APBB2: variants seen among roughly 807,000 people sequenced by gnomAD.
APBB2 encodes amyloid beta precursor protein binding family B member 2.
In APBB2, 38 loss-of-function variants were observed where a neutral mutation model predicts 82.5. That is an observed-to-expected ratio of 0.46 (90% CI 0.36 to 0.60). The LOEUF is 0.60. APBB2 is among the 20% of genes least tolerant of loss of function. The pLI, the probability that APBB2 is intolerant of heterozygous loss-of-function variation, is 0.00. For synonymous variants in APBB2, 341 were observed against 368.2 expected (o/e 0.93, Z 0.85); for missense variants, 772 against 972.3 (o/e 0.79, Z 2.74).
intron 1 of APBB2, among the ~76,000 whole-genome samples, chr4:41,207,516 C>G (rs1448998592): frequency 6.6e-6 from 1 of 152,194 alleles, no homozygotes; most frequent in Non-Finnish European, 1.5e-5. Flanking sequence ...AATCAAATGT[C>G]AAGATACATC....
chr4:40,865,960 C>G (rs937503314), intron 12 of APBB2, among the ~76,000 whole-genome samples: 1 of 152,252 alleles, frequency 6.6e-6, no homozygotes, highest in African/African-American at 2.4e-5. Context: ...GCAATGCCAA[C>G]TGCTGGTGAG....
At chr4:40,943,063 A>T (rs1471139764) in intron 7 of APBB2, among the ~76,000 whole-genome samples, 1 of 152,214 alleles carries the variant, frequency 6.6e-6, no homozygotes, top group Non-Finnish European at 1.5e-5. Flanking sequence ...TCTCAAAGTC[A>T]GTCCAATCTC....
At chr4:41,213,802 G>A (rs984973517) in intron 1 of APBB2, among the ~76,000 whole-genome samples, 2 of 152,200 alleles carry the variant, frequency 1.3e-5, no homozygotes, top group South Asian at 2.1e-4. Flanking sequence ...CACCGAGGGG[G>A]AAAAGGAACT....
At chr4:41,101,587 A>G (rs1360428695) in intron 2 of APBB2, among the ~76,000 whole-genome samples, 2 of 152,034 alleles carry the variant, frequency 1.3e-5, no homozygotes, top group African/African-American at 4.8e-5. Context: ...ATTTCTGCAG[A>G]TAAGAATGGG....
At position 41,064,984 on chromosome 4, in the gene APBB2, G is replaced by A. The variant is rs541327522; in HGVS notation, c.-51+592C>T. Reference sequence around the variant, plus strand: ...GGAAAGCTTAAAAAAATAAAAGCCTGTAGAAGAATAGATACATTAGACCAG... The same window carrying A: ...GGAAAGCTTAAAAAAATAAAAGCCTATAGAAGAATAGATACATTAGACCAG... On this transcript the variant is annotated intron_variant, in intron 4 of 17. Transcript: ENST00000508593. Among the ~76,000 whole-genome samples the A allele has an allele frequency of 2.1e-4, 32 of 152,266 alleles. 2 individuals carry two copies. The South Asian group carries it at 5.6e-3, about 27-fold the overall frequency.
chr4:41,083,541 A>T (rs1738453745), intron 3 of APBB2, among the ~76,000 whole-genome samples: 1 of 151,938 alleles, frequency 6.6e-6, no homozygotes, highest in Admixed American at 6.6e-5. Flanking sequence ...CACAAAAATT[A>T]GCCGGGCACG....
intron 1 of APBB2, among the ~76,000 whole-genome samples, chr4:41,180,196 C>T (rs75833309): frequency 0.042 from 6,390 of 152,288 alleles, 150 homozygotes; most frequent in Middle Eastern, 0.058. Context: ...ACCCCCTCCT[C>T]GCTATCTCTT....
At chr4:41,104,037 T>C (rs1366768959) in intron 2 of APBB2, among the ~76,000 whole-genome samples, 1 of 152,232 alleles carries the variant, frequency 6.6e-6, no homozygotes, top group Admixed American at 6.5e-5. Flanking sequence ...TATAATTGTA[T>C]CTAAGCTGTC....
At chr4:41,186,123 C>T (rs2154067276) in intron 1 of APBB2, among the ~76,000 whole-genome samples, 1 of 152,328 alleles carries the variant, frequency 6.6e-6, no homozygotes. Flanking sequence ...TCTTCCTAGT[C>T]AGACCTATCT....
chr4:40,830,305 C>T (rs989816313), intron 13 of APBB2, among the ~76,000 whole-genome samples, 158 bp downstream of exon 13: 15 of 152,034 alleles, frequency 9.9e-5, no homozygotes, highest in Admixed American at 2.6e-4. Flanking sequence ...ATGCCTGGCC[C>T]GCAGCAAGAA....
At position 41,203,003 on chromosome 4, in the gene APBB2, A is replaced by C. The variant is rs368354988; in HGVS notation, c.-417+11402T>G. 1.7e-3 allele frequency among the ~76,000 whole-genome samples: 263 copies of C among 152,250 alleles called. 2 individuals carry two copies. The highest frequency in any genetic ancestry group is 3.9e-3 in the African/African-American group (164 of 41,546). On this transcript the variant is annotated intron_variant, in intron 1 of 17. Coordinates refer to ENST00000508593, the MANE Select transcript of APBB2 (RefSeq NM_004307.2). ...ATGGGAGAACAGCACAACAGGATCT[A>C]ATGAAAATCCTGTTTTCTTTACAGG...
chr4:40,883,292 T>C (rs1416108095), intron 12 of APBB2, among the ~76,000 whole-genome samples: 2 of 152,044 alleles, frequency 1.3e-5, no homozygotes, highest in Non-Finnish European at 2.9e-5. Context: ...CACTGCACTC[T>C]AGCCTGGGTA....
chr4:41,015,077 G>A (rs868854526), intron 5 of APBB2, among the ~76,000 whole-genome samples: 1 of 152,164 alleles, frequency 6.6e-6, no homozygotes, highest in African/African-American at 2.4e-5. Context: ...CTGTAGCATT[G>A]AGCCCTTGGC....
chr4:41,182,418 T>C (rs976439470), intron 1 of APBB2, among the ~76,000 whole-genome samples: 62 of 152,286 alleles, frequency 4.1e-4, no homozygotes, highest in African/African-American at 1.4e-3. Context: ...TCAAACACCT[T>C]CTACAAATTC....
intron 6 of APBB2, among the ~76,000 whole-genome samples, chr4:41,000,846 C>T (rs1363353710): frequency 6.6e-6 from 1 of 151,654 alleles, no homozygotes; most frequent in Non-Finnish European, 1.5e-5. Flanking sequence ...GGCCCTTGTT[C>T]CAAGCACACA....
intron 1 of APBB2, among the ~76,000 whole-genome samples, chr4:41,193,165 G>A (rs1307641191): frequency 8.5e-5 from 13 of 152,136 alleles, no homozygotes; most frequent in Admixed American, 7.2e-4. Flanking sequence ...TCAATATCCT[G>A]TTATAGATAA....
chr4:41,074,547 T>C (rs1734936855), intron 3 of APBB2, among the ~76,000 whole-genome samples: 1 of 152,006 alleles, frequency 6.6e-6, no homozygotes, highest in Admixed American at 6.6e-5. Flanking sequence ...ACAAAGAACA[T>C]GAGGCGTCTG....
At chr4:40,842,921 G>C (rs1351763922) in intron 12 of APBB2, among the ~76,000 whole-genome samples, 1 of 152,186 alleles carries the variant, frequency 6.6e-6, no homozygotes, top group Non-Finnish European at 1.5e-5. Context: ...GGAGAGACAG[G>C]AGATGACAGC....
At chr4:40,932,061 A>G (rs181293531) in intron 10 of APBB2, among the ~76,000 whole-genome samples, 2 of 152,330 alleles carry the variant, frequency 1.3e-5, no homozygotes, top group Non-Finnish European at 2.9e-5. Context: ...AAAAAGAGAA[A>G]GCCCAACCCA....
Sources: allele counts gnomAD v4.1 joint callset (sites outside exome capture counted in the v4.1 genomes callset), GRCh38; gene constraint gnomAD v4.1.1; transcripts MANE v1.5; gene names NCBI Gene and HGNC (gene_info 2026-07-23, HGNC 2026-07-21).